Variants in PUDP observed in about 807,000 individuals in gnomAD.
PUDP encodes the protein pseudouridine 5'-phosphatase.
PUDP carries 8 observed loss-of-function variants against 9.4 expected under a neutral mutation model. The observed-to-expected ratio is 0.85, with a 90% CI of 0.50 to 1.53. The LOEUF is 1.53. PUDP is among the 40% of genes most tolerant of loss of function. The pLI, the probability that PUDP is intolerant of heterozygous loss-of-function variation, is 0.00. For synonymous variants in PUDP, 99 were observed against 80.7 expected (o/e 1.23, Z -1.22); for missense variants, 188 against 189.7 (o/e 0.99, Z 0.05).
At chrX:6,918,337 A>G (rs1927966623) in intron 3 of PUDP, among the ~76,000 whole-genome samples, 1 of 112,582 alleles carries the variant, frequency 8.9e-6, no homozygotes, top group South Asian at 3.7e-4. Context: ...CCAGTCTCAG[A>G]GAAACGAAAT....
chrX:7,081,581 G>C (rs1008341709), intron 2 of PUDP, among the ~76,000 whole-genome samples: 1 of 112,713 alleles, frequency 8.9e-6, no homozygotes, highest in Non-Finnish European at 1.9e-5. Flanking sequence ...TATTGATGGA[G>C]AATGAATCAA....
intron 2 of PUDP, among the ~76,000 whole-genome samples, chrX:7,091,348 C>T (rs938616685): frequency 7.2e-5 from 8 of 111,302 alleles, no homozygotes; most frequent in African/African-American, 1.6e-4. Context: ...ACTTTTTATT[C>T]GTTCTTTTTA....
chrX:6,873,265 T>A (rs1486482321), intron 3 of PUDP, among the ~76,000 whole-genome samples: 1 of 111,931 alleles, frequency 8.9e-6, no homozygotes, highest in Non-Finnish European at 1.9e-5. Flanking sequence ...ACTGGACAAA[T>A]AAAGGAGTAG....
At chrX:6,737,896 A>T (rs1378449089) in intron 3 of PUDP, among the ~76,000 whole-genome samples, 3 of 111,672 alleles carry the variant, frequency 2.7e-5, no homozygotes, top group Non-Finnish European at 5.6e-5. Context: ...GAAGCAAAAA[A>T]TACAAATAGT....
intron 3 of PUDP, among the ~76,000 whole-genome samples, chrX:7,068,032 G>A (rs1930619630): frequency 9.0e-6 from 1 of 111,627 alleles, no homozygotes. Flanking sequence ...GTGGAACTGT[G>A]AGTCCGTTAA....
chrX:6,858,435 T>A (rs180735896), intron 3 of PUDP, among the ~76,000 whole-genome samples: 1 of 104,464 alleles, frequency 9.6e-6, no homozygotes, highest in East Asian at 3.3e-4. Flanking sequence ...GCTCAAGCCA[T>A]CCTCCCACCT....
intron 1 of PUDP, among the ~76,000 whole-genome samples, chrX:7,118,474 C>T (rs779733402): frequency 3.6e-5 from 4 of 112,278 alleles, no homozygotes; most frequent in African/African-American, 9.7e-5. Flanking sequence ...CAAAATTTAA[C>T]GGTATGGTTT....
At chrX:6,942,904 T>A in intron 3 of PUDP, among the ~76,000 whole-genome samples, 1 of 112,332 alleles carries the variant, frequency 8.9e-6, no homozygotes, top group Middle Eastern at 4.6e-3. Context: ...TCTTAGAGCC[T>A]TTAGAGGGAC....
intron 3 of PUDP, among the ~76,000 whole-genome samples, chrX:6,856,814 G>A (rs1430746645): frequency 2.7e-5 from 3 of 111,633 alleles, no homozygotes; most frequent in Admixed American, 9.5e-5. Context: ...AAAGCAGATC[G>A]CCCTCCCCAG....
chrX:7,131,498 G>A (rs1216089229), intron 1 of PUDP, among the ~76,000 whole-genome samples: 1 of 110,249 alleles, frequency 9.1e-6, no homozygotes, highest in East Asian at 2.8e-4. Flanking sequence ...AGAAGGCCAC[G>A]TGGAGAGAAG....
Position 6,739,893 on chromosome X carries a change from G to A in PUDP, c.*248-33427C>T, listed in dbSNP as rs376278183. Among the ~76,000 whole-genome samples, 50 of 111,765 alleles carry A rather than the reference G, an allele frequency of 4.5e-4. No individual in the cohort carries two copies. The East Asian group carries it at 8.2e-3, about 18-fold the overall frequency. On this transcript the variant is annotated intron_variant and NMD_transcript_variant, in intron 3 of 3. Transcript: ENST00000655425. ...GTAGTATTTTAGTTTCTAGAACCTG[G>A]GAATAGGCAGTGCCCAACTGATGCT...
chrX:6,857,442 T>G (rs775653226), intron 3 of PUDP, among the ~76,000 whole-genome samples: 13 of 112,423 alleles, frequency 1.2e-4, no homozygotes, highest in African/African-American at 3.9e-4. Context: ...TTAAAATTAT[T>G]ATGATGATTT....
rs17335442 is a variant in PUDP at position 7,068,773 on chromosome X, C to G, written c.510+8447G>C. 1.8e-3 allele frequency among the ~76,000 whole-genome samples: 206 copies of G among 112,107 alleles called. 5 individuals are homozygous for G. In the East Asian group the frequency reaches 0.044, roughly 24 times the overall value. ...GCCGTGTTTTCAGAGGTGCTCATGACTTCCAGGCAGTGCAGATTCATGAGC... is the reference window on the plus strand; with the variant it reads ...GCCGTGTTTTCAGAGGTGCTCATGAGTTCCAGGCAGTGCAGATTCATGAGC... On this transcript the variant is annotated intron_variant, in intron 3 of 3. Coordinates refer to ENST00000381077, the MANE Select transcript of PUDP (RefSeq NM_012080.5).
At chrX:6,915,150 G>C (rs944636846) in intron 3 of PUDP, among the ~76,000 whole-genome samples, 4 of 111,988 alleles carry the variant, frequency 3.6e-5, no homozygotes, top group Admixed American at 2.9e-4. Flanking sequence ...TCTTTTTGAA[G>C]GGCTGCTTTG....
At chrX:6,844,144 T>C (rs762257876) in intron 3 of PUDP, among the ~76,000 whole-genome samples, 1 of 112,434 alleles carries the variant, frequency 8.9e-6, no homozygotes, top group Non-Finnish European at 1.9e-5. Flanking sequence ...TTGAACCTAT[T>C]TGGTTCTCTC....
rs1056265860 is a variant in PUDP, at chrX:6,735,908, A to T, written c.*248-29442T>A. On this transcript the variant is annotated intron_variant and NMD_transcript_variant, in intron 3 of 3. Coordinates refer to the PUDP transcript ENST00000655425. ...AAAAAAATTAGTTGGGCAGGGTGGC[A>T]TGCACCTGTTTTCCCAGATACTCAG... Among the ~76,000 whole-genome samples, 3 of 109,743 alleles carry T rather than the reference A, an allele frequency of 2.7e-5. No individual in the cohort carries two copies. The East Asian group carries it at 8.5e-4, about 31-fold the overall frequency.
intron 1 of PUDP, among the ~76,000 whole-genome samples, chrX:6,716,557 A>G (rs950194037): frequency 1.8e-5 from 2 of 111,995 alleles, no homozygotes; most frequent in Non-Finnish European, 3.8e-5. Flanking sequence ...GGGATTACAC[A>G]TGATCTTTGT....
At chrX:6,766,376 T>C (rs187921152) in intron 3 of PUDP, among the ~76,000 whole-genome samples, 309 of 112,023 alleles carry the variant, frequency 2.8e-3, no homozygotes, top group Non-Finnish European at 4.7e-3. Flanking sequence ...TATTTGAGGG[T>C]TGAACCAAAA....
chrX:6,905,846 C>T (rs1436911605), intron 3 of PUDP, among the ~76,000 whole-genome samples: 1 of 111,764 alleles, frequency 8.9e-6, no homozygotes, highest in Non-Finnish European at 1.9e-5. Context: ...AAAATAAAAA[C>T]ATTGCAATGA....
Sources: gnomAD v4.1 joint callset for allele counts (sites outside exome capture counted in the v4.1 genomes callset) on GRCh38, gnomAD v4.1.1 for gene constraint, MANE v1.5 for transcripts, NCBI Gene and HGNC (gene_info 2026-07-23, HGNC 2026-07-21) for gene names.